Variants in RBM20 observed in about 807,000 individuals in gnomAD.
The protein encoded by RBM20 is RNA binding motif protein 20.
RBM20 carries 51 observed loss-of-function variants against 110.1 expected under a neutral mutation model. The ratio of observed to expected loss-of-function variants is 0.46; its 90% CI spans 0.37 to 0.59. The LOEUF (loss-of-function observed/expected upper bound fraction) is 0.59, where lower values mean the gene tolerates loss of function less well. RBM20 is among the 20% of genes least tolerant of loss of function. The probability of loss-of-function intolerance (pLI) is 0.00; values close to 1 mark genes in which losing one functional copy is unlikely to be tolerated. For synonymous variants in RBM20, 589 were observed against 618.2 expected (o/e 0.95, Z 0.70); for missense variants, 1,512 against 1,574.9 (o/e 0.96, Z 0.68).
chr10:110,708,578 TA>T (rs1384255859), intron 1 of RBM20, among the ~76,000 whole-genome samples: 1 of 152,154 alleles, frequency 6.6e-6, no homozygotes, highest in African/African-American at 2.4e-5. Flanking sequence ...ACAGGTGAAA[TA>T]AAACCTTATT....
At chr10:110,826,236 T>A (rs903118036) in intron 12 of RBM20, among the ~76,000 whole-genome samples, 2 of 152,228 alleles carry the variant, frequency 1.3e-5, no homozygotes, top group African/African-American at 2.4e-5. Flanking sequence ...CTCACCTTTT[T>A]AAAATTGGCT....
intron 9 of RBM20, among the ~76,000 whole-genome samples, chr10:110,816,480 CA>C (rs1844842293): frequency 6.6e-6 from 1 of 151,898 alleles, no homozygotes; most frequent in Admixed American, 6.6e-5. Flanking sequence ...CAGACCATCT[CA>C]ATACCCCAAC....
At chr10:110,731,542 A>G (rs866856251) in intron 1 of RBM20, among the ~76,000 whole-genome samples, 3 of 152,342 alleles carry the variant, frequency 2.0e-5, no homozygotes, top group Non-Finnish European at 2.9e-5. Context: ...AGCTGAACTC[A>G]TAAATCTGCC....
At chr10:110,689,296 A>G (rs867219839) in intron 1 of RBM20, among the ~76,000 whole-genome samples, 2 of 152,244 alleles carry the variant, frequency 1.3e-5, no homozygotes, top group African/African-American at 2.4e-5. Context: ...GCCTGGGGAC[A>G]CAGGGGTGAG....
intron 1 of RBM20, among the ~76,000 whole-genome samples, chr10:110,652,926 C>T (rs561775751): frequency 4.1e-4 from 63 of 152,308 alleles, no homozygotes; most frequent in African/African-American, 1.5e-3. Flanking sequence ...CCCACCCACA[C>T]GGGACTTTTA....
intron 1 of RBM20, among the ~76,000 whole-genome samples, chr10:110,699,417 G>T (rs1204050619): frequency 6.6e-6 from 1 of 151,670 alleles, no homozygotes; most frequent in Non-Finnish European, 1.5e-5. Flanking sequence ...GATTACAGGC[G>T]CTGACCACCA....
Position 110,836,321 on chromosome 10 carries a change from A to G in RBM20, c.*343A>G, listed in dbSNP as rs1041035457. On this transcript the variant is annotated 3_prime_UTR_variant, in exon 14 of 14. Coordinates refer to ENST00000369519, the MANE Select transcript of RBM20 (RefSeq NM_001134363.3). The stretch of plus-strand genomic sequence containing the variant: ...GATCGTTTCCTTTTCACAAAACCCA[A>G]CTTCTCAGGGATTTTCACAGTGTTT... 6.0e-6 allele frequency: 1 copy of G among 167,058 alleles called. No homozygotes were observed. The highest frequency in any genetic ancestry group is 1.3e-5 in the Non-Finnish European group (1 of 77,994). The allele number at this position is 167,058 out of a possible 1,614,324, so 10.3% of individuals were successfully genotyped here. A position where few individuals can be genotyped will look rare whatever the true frequency, so the allele number is the denominator to read the frequency against.
At chr10:110,742,376 C>A (rs568448687) in intron 1 of RBM20, among the ~76,000 whole-genome samples, 6 of 152,254 alleles carry the variant, frequency 3.9e-5, no homozygotes, top group Non-Finnish European at 8.8e-5. Context: ...GACAAACTTT[C>A]CACACATGAC....
At position 110,821,769 on chromosome 10, in the gene RBM20, G is replaced by C; in HGVS notation, c.3150G>C (p.Lys1050Asn). 1 of 1,551,780 alleles carries C rather than the reference G, an allele frequency of 6.4e-7. No homozygotes were observed. Among genetic ancestry groups the C allele is most frequent in the Non-Finnish European group, 8.7e-7 (1 of 1,147,010 alleles). The change falls in exon 11 of 14, where the codon AAG becomes AAC. Residue 1050 changes from lysine (K) to asparagine (N), a missense_variant. This residue lies in a region of RBM20 where 358 missense variants were observed against 384.2 expected (regional missense o/e 0.93). Transcript: ENST00000369519. Reference protein sequence around the residue: ...APTVQQMSSPKPAEERARQPS... With the variant: ...APTVQQMSSPNPAEERARQPS... ...CAGTCCAGCAAATGTCTTCCCCTAAGCCAGCAGAGGAGAGGGCCCGGCAGC... is the reference window on the plus strand; with the variant it reads ...CAGTCCAGCAAATGTCTTCCCCTAACCCAGCAGAGGAGAGGGCCCGGCAGC...
At position 110,821,535 on chromosome 10, in the gene RBM20, G is replaced by A. The variant is rs1391384955; in HGVS notation, c.2916G>A (p.Gly972=). Residue 972 remains glycine, a synonymous_variant, in exon 11 of 14, where the codon GGG becomes GGA. Transcript: ENST00000369519. Reference sequence around the variant, plus strand: ...AAGGAGTCAAGGCCGTAGGGAATGGGGCTGCAGAAATCAGCCTCAAGTCAC... The same window carrying A: ...AAGGAGTCAAGGCCGTAGGGAATGGAGCTGCAGAAATCAGCCTCAAGTCAC... ...PKEGVKAVGN[G]AAEISLKSPR... is the part of the protein sequence containing the mutation. 5 of 1,551,622 alleles carry A rather than the reference G, an allele frequency of 3.2e-6. No homozygotes were observed. The highest frequency in any genetic ancestry group is 2.7e-5 in the African/African-American group (2 of 73,042).
chr10:110,662,156 A>G (rs1026419713), intron 1 of RBM20, among the ~76,000 whole-genome samples: 4 of 152,158 alleles, frequency 2.6e-5, no homozygotes, highest in African/African-American at 9.6e-5. Flanking sequence ...TTAAATTCCA[A>G]ATAGATCTGT....
rs148050947 is a variant in RBM20, at chr10:110,795,719, C to T, written c.1528-1789C>T. Among the ~76,000 whole-genome samples the T allele has an allele frequency of 7.2e-3, 1,092 of 152,262 alleles. 40 individuals are homozygous for T. The highest frequency in any genetic ancestry group is 0.061 in the Admixed American group (925 of 15,288). ...ATGCTATTAGAATGTGTTTCAGGTTCGGAAAATTATATCCTTCTCTTCCAC... is the reference window on the plus strand; with the variant it reads ...ATGCTATTAGAATGTGTTTCAGGTTTGGAAAATTATATCCTTCTCTTCCAC... On this transcript the variant is annotated intron_variant, in intron 5 of 13. Transcript: ENST00000369519.
intron 1 of RBM20, among the ~76,000 whole-genome samples, chr10:110,747,390 A>G (rs1035770502): frequency 1.4e-4 from 21 of 151,800 alleles, no homozygotes; most frequent in Non-Finnish European, 2.9e-5. Flanking sequence ...GGCTCAAAGC[A>G]CCTGCTAGAC....
chr10:110,699,631 G>T lies in RBM20; in HGVS notation c.191+54986G>T, dbSNP rs1372322431. Reference sequence around the variant, plus strand: ...AAAACCAAACCTGCATTCTTAAAGGGTACTTGTTTCCTGTCGCTCTTTTTT... The same window carrying T: ...AAAACCAAACCTGCATTCTTAAAGGTTACTTGTTTCCTGTCGCTCTTTTTT... On this transcript the variant is annotated intron_variant, in intron 1 of 13. Coordinates refer to ENST00000369519, the MANE Select transcript of RBM20 (RefSeq NM_001134363.3). 2.6e-5 allele frequency among the ~76,000 whole-genome samples: 4 copies of T among 152,046 alleles called. No homozygotes were observed. The South Asian group carries it at 6.2e-4, about 24-fold the overall frequency.
intron 1 of RBM20, among the ~76,000 whole-genome samples, chr10:110,744,866 A>G (rs1291800642): frequency 2.0e-5 from 3 of 152,246 alleles, no homozygotes; most frequent in Non-Finnish European, 4.4e-5. Context: ...ATGGTGAAAC[A>G]TAGCGGCCAC....
intron 1 of RBM20, among the ~76,000 whole-genome samples, chr10:110,726,949 C>T (rs1028104651): frequency 8.5e-5 from 13 of 152,060 alleles, no homozygotes; most frequent in African/African-American, 1.4e-4. Context: ...TGGGTTCAAG[C>T]AATTCTCCTG....
chr10:110,645,001 G>A (rs1202418749), intron 1 of RBM20, among the ~76,000 whole-genome samples: 1 of 152,098 alleles, frequency 6.6e-6, no homozygotes, highest in Admixed American at 6.5e-5. Flanking sequence ...AGAGTCGTGC[G>A]TGAGTGTGTG....
intron 1 of RBM20, among the ~76,000 whole-genome samples, chr10:110,666,820 C>T (rs960247740): frequency 1.3e-5 from 2 of 152,130 alleles, no homozygotes; most frequent in Admixed American, 1.3e-4. Flanking sequence ...TAGGGTTTTA[C>T]AAGCAGCTGT....
At chr10:110,746,283 A>G (rs185231067) in intron 1 of RBM20, among the ~76,000 whole-genome samples, 60 of 152,342 alleles carry the variant, frequency 3.9e-4, no homozygotes, top group Admixed American at 2.0e-3. Context: ...TTCTGCTTCA[A>G]AGCAAGTCAA....
Sources: gnomAD v4.1 joint callset for allele counts (sites outside exome capture counted in the v4.1 genomes callset) on GRCh38, gnomAD v4.1.1 for gene constraint, gnomAD v4.1.1 regional missense constraint, MANE v1.5 for transcripts, NCBI Gene and HGNC (gene_info 2026-07-23, HGNC 2026-07-21) for gene names.